PDE6C: variants seen among roughly 807,000 people sequenced by gnomAD.
PDE6C encodes the protein phosphodiesterase 6C.
A neutral mutation model predicts 113.1 loss-of-function variants in PDE6C; 75 were observed. The observed-to-expected ratio is 0.66, with a 90% CI of 0.55 to 0.80. The LOEUF (loss-of-function observed/expected upper bound fraction) is 0.80. Ranked by LOEUF, PDE6C falls within the 30% of genes least tolerant of loss-of-function variation. The pLI is 0.00. For synonymous variants in PDE6C, 375 were observed against 363.7 expected, an observed-to-expected ratio of 1.03 and a Z score of -0.35; for missense variants, 912 against 1,038.6, an observed-to-expected ratio of 0.88 and a Z score of 1.67.
intron 15 of PDE6C, 145 bp from the exon 16 acceptor site, chr10:93,655,610 CAAAAA>C: frequency 2.3e-3 from 763 of 330,812 alleles, no homozygotes; most frequent in East Asian, 0.015. Flanking sequence ...AAAAGCAAGC[CAAAAA>C]AAAAAAAAAA....
At chr10:93,632,310 A>T (rs2058505607) in intron 8 of PDE6C, among the ~76,000 whole-genome samples, 1 of 152,150 alleles carries the variant, frequency 6.6e-6, no homozygotes, top group Admixed American at 6.5e-5. Flanking sequence ...TAACATATTC[A>T]CAGGTTCCAG....
At chr10:93,621,506 C>T (rs2058446180) in intron 3 of PDE6C, among the ~76,000 whole-genome samples, 1 of 152,170 alleles carries the variant, frequency 6.6e-6, no homozygotes, top group Non-Finnish European at 1.5e-5. Flanking sequence ...AGGTCCCTTC[C>T]CGTTTGAACT....
At chr10:93,627,960 T>C (rs1215140014) in intron 7 of PDE6C, among the ~76,000 whole-genome samples, 3 of 152,182 alleles carry the variant, frequency 2.0e-5, no homozygotes, top group Non-Finnish European at 2.9e-5. Flanking sequence ...AGGCAGAGTT[T>C]GGTGAGGTGG....
Position 93,612,788 on chromosome 10 carries a change from G to C in PDE6C, c.63G>C (p.Lys21Asn). The C allele has an allele frequency of 6.2e-7, 1 of 1,614,166 alleles. No homozygotes were observed. Among genetic ancestry groups the C allele is most frequent in the East Asian group, 2.2e-5 (1 of 44,886 alleles). ...KYLEENPQFA[K>N]EYFDRKLRVE... Reference sequence around the variant, plus strand: ...TGGAGGAGAACCCTCAGTTTGCCAAGGAGTACTTTGACAGGAAGTTGCGGG... The same window carrying C: ...TGGAGGAGAACCCTCAGTTTGCCAACGAGTACTTTGACAGGAAGTTGCGGG... Residue 21 changes from lysine to asparagine, a missense_variant, in exon 1 of 22, where the codon AAG becomes AAC. Transcript: ENST00000371447.
rs61701022 is a variant in PDE6C at position 93,659,181 on chromosome 10, A to C, written c.2208+14A>C. 2,250 of 1,587,616 alleles carry C rather than the reference A, an allele frequency of 1.4e-3. 29 individuals are homozygous for C. In the African/African-American group the frequency reaches 0.026, roughly 18 times the overall value. ...GTGCAAAGTCAGGTGAGTCCAGTTA[A>C]GTTTTCTTTTCTGTCACACTGTCAG... On this transcript the variant is annotated intron_variant, in intron 18 of 21. Transcript: ENST00000371447.
intron 10 of PDE6C, among the ~76,000 whole-genome samples, chr10:93,636,126 G>A (rs2058527944): frequency 1.3e-5 from 2 of 152,116 alleles, no homozygotes; most frequent in South Asian, 4.1e-4. Context: ...CCTGATAGAT[G>A]TCCTTCTCAC....
Position 93,658,850 on chromosome 10 carries a change from TTC to T in PDE6C, c.2037-45_2037-44del, listed in dbSNP as rs771030733. Reference sequence around the variant, plus strand: ...GAAAAGCATGTATTTAAGATATTTTTTCTCTCTTTTCATAAGCTAAAATTGTT... The same window carrying T: ...GAAAAGCATGTATTTAAGATATTTTTTCTCTTTTCATAAGCTAAAATTGTT... On this transcript the variant is annotated intron_variant, in intron 16 of 21. Transcript: ENST00000371447. 70 of 1,062,900 alleles carry T rather than the reference TTC, an allele frequency of 6.6e-5. No homozygotes were observed. In the African/African-American group the frequency reaches 9.6e-4, roughly 15 times the overall value. 65.8% of individuals were successfully genotyped at this position (1,062,900 alleles called of 1,614,324 possible). A position where few individuals can be genotyped will look rare whatever the true frequency, so the allele number is the denominator to read the frequency against.
At position 93,612,996 on chromosome 10, in the gene PDE6C, C is replaced by A. The variant is rs1264742811; in HGVS notation, c.271C>A (p.Leu91Ile). The A allele has an allele frequency of 3.1e-6, 5 of 1,614,148 alleles. No individual in the cohort carries two copies. The highest frequency in any genetic ancestry group is 4.2e-6 in the Non-Finnish European group (5 of 1,180,018). Residue 91 changes from leucine (L) to isoleucine (I), a missense_variant, in exon 1 of 22, where the codon CTC becomes ATC. Leu to Ile is a conservative substitution (Grantham distance 5). Coordinates refer to ENST00000371447, the MANE Select transcript of PDE6C (RefSeq NM_006204.4). ...HRALQRLAHL[L>I]QADRCSMFLC... Reference sequence around the variant, plus strand: ...GGCCCTGCAGAGGCTGGCCCACCTGCTCCAGGCTGACCGCTGCAGCATGTT... The same window carrying A: ...GGCCCTGCAGAGGCTGGCCCACCTGATCCAGGCTGACCGCTGCAGCATGTT...
chr10:93,633,204 G>A (rs781041018), intron 8 of PDE6C, among the ~76,000 whole-genome samples: 5 of 152,090 alleles, frequency 3.3e-5, no homozygotes, highest in Non-Finnish European at 4.4e-5. Context: ...AGTGACTCAC[G>A]CCTGTAATCC....
rs1455244257 is a variant in PDE6C, at chr10:93,654,802, CTTTCTTTCTTTTT to C, written c.1936-954_1936-942del. ...TCTTTCTTTCTTTCTTTCTTTCTTT[CTTTCTTTCTTTTT>C]TTTTTTTTTTGAAACAGGGTCTCTC... On this transcript the variant is annotated intron_variant, in intron 15 of 21. Coordinates refer to ENST00000371447, the MANE Select transcript of PDE6C (RefSeq NM_006204.4). Among the ~76,000 whole-genome samples, 75 of 82,674 alleles carry C rather than the reference CTTTCTTTCTTTTT, an allele frequency of 9.1e-4. 1 individual carries two copies. The East Asian group carries it at 0.031, about 34-fold the overall frequency. 54.2% of individuals were successfully genotyped at this position (82,674 alleles called of 152,430 possible). A position where few individuals can be genotyped will look rare whatever the true frequency, so the allele number is the denominator to read the frequency against.
chr10:93,646,087 T>A, intron 15 of PDE6C, 40 bp downstream of exon 15: 1 of 1,175,386 alleles, frequency 8.5e-7, no homozygotes. Flanking sequence ...ACACAAATTC[T>A]GGATCAAAGC....
chr10:93,644,427 G>A (rs1398667063), intron 14 of PDE6C, among the ~76,000 whole-genome samples: 1 of 151,956 alleles, frequency 6.6e-6, no homozygotes, highest in African/African-American at 2.4e-5. Context: ...ATTTTAAATT[G>A]CTACATAATA....
intron 4 of PDE6C, among the ~76,000 whole-genome samples, chr10:93,623,435 C>T (rs971825107): frequency 1.3e-5 from 2 of 152,178 alleles, no homozygotes; most frequent in African/African-American, 4.8e-5. Flanking sequence ...TTAACAGTGT[C>T]TGCTGCAGAG....
intron 11 of PDE6C, among the ~76,000 whole-genome samples, chr10:93,637,892 C>T (rs1304130018): frequency 1.3e-5 from 2 of 152,158 alleles, no homozygotes; most frequent in South Asian, 2.1e-4. Flanking sequence ...TAGATAAAAA[C>T]GTGTAGGGGC....
intron 14 of PDE6C, among the ~76,000 whole-genome samples, chr10:93,643,275 C>A (rs1251248602): frequency 6.6e-6 from 1 of 152,240 alleles, no homozygotes; most frequent in African/African-American, 2.4e-5. Context: ...TCTGCATTGG[C>A]CTGGTTTTCT....
chr10:93,636,382 G>C (rs2058530722), intron 10 of PDE6C, among the ~76,000 whole-genome samples: 2 of 148,934 alleles, frequency 1.3e-5, no homozygotes, highest in African/African-American at 2.5e-5. Flanking sequence ...GTGTGTGTGT[G>C]TGTGTGTGTG....
chr10:93,618,978 C>A (rs779304780), intron 1 of PDE6C, among the ~76,000 whole-genome samples: 1 of 152,184 alleles, frequency 6.6e-6, no homozygotes, highest in Non-Finnish European at 1.5e-5. Flanking sequence ...GAAGGAATAC[C>A]GCACTAATTT....
At chr10:93,645,768 G>A (rs1421965675) in intron 14 of PDE6C, among the ~76,000 whole-genome samples, 192 bp from the exon 15 acceptor site, 1 of 149,636 alleles carries the variant, frequency 6.7e-6, no homozygotes, top group African/African-American at 2.5e-5. Context: ...ACAAATTAAG[G>A]TTTTTTTTTT....
chr10:93,641,457 CT>C (rs2058559656), intron 14 of PDE6C, among the ~76,000 whole-genome samples: 1 of 152,048 alleles, frequency 6.6e-6, no homozygotes, highest in African/African-American at 2.4e-5. Context: ...TGGTGAAACC[CT>C]GTCTCTACTA....
Sources: gnomAD v4.1 joint callset for allele counts (sites outside exome capture counted in the v4.1 genomes callset) on GRCh38, gnomAD v4.1.1 for gene constraint, MANE v1.5 for transcripts, NCBI Gene and HGNC (gene_info 2026-07-23, HGNC 2026-07-21) for gene names.